The following ZNF675 variants were observed in gnomAD, a reference collection of about 807,000 sequenced individuals.
ZNF675 encodes TRAF6 inhibitory zinc finger.
Under a neutral mutation model 56.1 loss-of-function variants are expected in ZNF675, and 36 were observed. That is an observed-to-expected ratio of 0.64 (90% CI 0.49 to 0.85). The LOEUF is 0.85. ZNF675 is among the 40% of genes least tolerant of loss of function. ZNF675 has a pLI of 0.00. For missense variants in ZNF675, 663 were observed against 654.2 expected, an observed-to-expected ratio of 1.01 and a Z score of -0.15; for synonymous variants, 200 against 218.9, an observed-to-expected ratio of 0.91 and a Z score of 0.76.
chr19:23,673,016 G>A (rs1968246145), intron 1 of ZNF675, among the ~76,000 whole-genome samples: 1 of 152,154 alleles, frequency 6.6e-6, no homozygotes, highest in African/African-American at 2.4e-5. Flanking sequence ...CACAGCTACT[G>A]GTGGCAATAG....
intron 1 of ZNF675, among the ~76,000 whole-genome samples, chr19:23,669,321 A>G (rs1179460773): frequency 6.6e-6 from 1 of 150,826 alleles, no homozygotes; most frequent in Non-Finnish European, 1.5e-5. Flanking sequence ...AGGGTGAATC[A>G]CATGTTTCAG....
intron 1 of ZNF675, among the ~76,000 whole-genome samples, chr19:23,670,520 A>C (rs1227823682): frequency 1.3e-5 from 2 of 152,126 alleles, no homozygotes; most frequent in Non-Finnish European, 2.9e-5. Flanking sequence ...CAGGGTGAGT[A>C]GCGACCATCC....
intron 3 of ZNF675, among the ~76,000 whole-genome samples, chr19:23,658,856 TATAGAA>T (rs374938087): frequency 1.0e-4 from 4 of 39,322 alleles, no homozygotes; most frequent in African/African-American, 2.1e-4. Context: ...TCTATATAGA[TATAGAA>T]ATAGATCTAT....
intron 1 of ZNF675, among the ~76,000 whole-genome samples, chr19:23,665,743 C>T (rs1048217039): frequency 3.9e-5 from 6 of 152,118 alleles, no homozygotes; most frequent in African/African-American, 1.4e-4. Flanking sequence ...TAGTGATTCG[C>T]CCAACTTGGC....
At chr19:23,685,436 G>A (rs968627782) in intron 1 of ZNF675, among the ~76,000 whole-genome samples, 2 of 152,108 alleles carry the variant, frequency 1.3e-5, no homozygotes, top group Admixed American at 6.6e-5. Context: ...TAGATATATT[G>A]GTTTATTCAC....
At chr19:23,662,089 T>G in intron 3 of ZNF675, 25 bp downstream of exon 3, 1 of 1,537,550 alleles carries the variant, frequency 6.5e-7, no homozygotes, top group Non-Finnish European at 9.0e-7. Context: ...TGTCACCTGT[T>G]GTATTCACTT....
intron 1 of ZNF675, among the ~76,000 whole-genome samples, chr19:23,665,127 T>G (rs1198435253): frequency 1.3e-5 from 2 of 151,816 alleles, no homozygotes; most frequent in East Asian, 3.9e-4. Context: ...GGGGGATCAC[T>G]TGAGGTCAGG....
chr19:23,673,591 T>A lies in ZNF675; in HGVS notation c.4-10433A>T, dbSNP rs997525788. 1.4e-4 allele frequency among the ~76,000 whole-genome samples: 21 copies of A among 152,198 alleles called. 1 individual carries two copies. The highest frequency in any genetic ancestry group is 4.8e-4 in the African/African-American group (20 of 41,452). On this transcript the variant is annotated intron_variant, in intron 1 of 3. Transcript: ENST00000359788. ...GAGGGTAAGCCCACTCTAGAGTAGA[T>A]CCTGGTTGGCACCTTATATGTTTCT...
intron 1 of ZNF675, among the ~76,000 whole-genome samples, chr19:23,669,451 C>T (rs1197388788): frequency 6.8e-6 from 1 of 147,244 alleles, no homozygotes; most frequent in African/African-American, 2.5e-5. Context: ...AGGGTCCAAG[C>T]ATGTTGCAGG....
chr19:23,679,048 T>C (rs1968339947), intron 1 of ZNF675, among the ~76,000 whole-genome samples: 1 of 149,922 alleles, frequency 6.7e-6, no homozygotes, highest in South Asian at 2.1e-4. Flanking sequence ...GCACCTGTAG[T>C]CCCAGCTACT....
chr19:23,653,287 G>C lies in ZNF675; in HGVS notation c.1646C>G (p.Ala549Gly). 6.2e-7 allele frequency: 1 copy of C among 1,613,398 alleles called. No homozygotes were observed. The highest frequency in any genetic ancestry group is 8.5e-7 in the Non-Finnish European group (1 of 1,179,724). ...ERCDKAFNQSANLTKHKKIHT... is the reference protein window; with the variant it reads ...ERCDKAFNQSGNLTKHKKIHT... Reference sequence around the variant, plus strand: ...TATTTTTTTATGTTTAGTAAGGTTTGCAGATTGGTTAAAAGCTTTGTCACA... The same window carrying C: ...TATTTTTTTATGTTTAGTAAGGTTTCCAGATTGGTTAAAAGCTTTGTCACA... The change falls in exon 4 of 4, where the codon GCA (alanine) becomes GGA (glycine). Residue 549 changes from alanine to glycine, a missense_variant. By Grantham distance (60) the Ala-to-Gly change is moderately conservative. This residue lies in a region of ZNF675 where 617 missense variants were observed against 590.5 expected (regional missense o/e 1.04). Coordinates refer to ENST00000359788, the MANE Select transcript of ZNF675 (RefSeq NM_138330.3).
chr19:23,665,488 T>C (rs565443570), intron 1 of ZNF675, among the ~76,000 whole-genome samples: 3 of 152,040 alleles, frequency 2.0e-5, no homozygotes, highest in Non-Finnish European at 4.4e-5. Flanking sequence ...GTGGTTTTTT[T>C]GTTCTTTGGG....
intron 1 of ZNF675, among the ~76,000 whole-genome samples, chr19:23,683,279 T>G (rs1336339431): frequency 6.6e-6 from 1 of 151,704 alleles, no homozygotes; most frequent in Non-Finnish European, 1.5e-5. Flanking sequence ...CACTTAGCAT[T>G]AAATTCAGAA....
chr19:23,662,039 A>T (rs1215944049), intron 3 of ZNF675, 75 bp downstream of exon 3: 9 of 1,091,342 alleles, frequency 8.2e-6, no homozygotes, highest in Admixed American at 1.9e-5. Context: ...ATCACATTTT[A>T]AGGACTGGCT....
rs55633960 is a variant in ZNF675, at chr19:23,672,233, TAA to T, written c.4-9077_4-9076del. On this transcript the variant is annotated intron_variant, in intron 1 of 3. Coordinates refer to ENST00000359788, the MANE Select transcript of ZNF675 (RefSeq NM_138330.3). ...ACTCCAGTTAGTTAGCTCTTGGGTT[TAA>T]AAAAAAAAAAAAAAAAGGACAAGAA... Among the ~76,000 whole-genome samples the T allele has an allele frequency of 2.4e-3, 341 of 141,218 alleles. 35 individuals are homozygous for T. The highest frequency in any genetic ancestry group is 4.9e-3 in the African/African-American group (182 of 37,486). The allele number at this position is 141,218 out of a possible 152,430, so 92.6% of individuals were successfully genotyped here. A position where few individuals can be genotyped will look rare whatever the true frequency, so the allele number is the denominator to read the frequency against.
rs1335684771 is a variant in ZNF675, at chr19:23,674,872, T to C, written c.4-11714A>G. 2.0e-5 allele frequency among the ~76,000 whole-genome samples: 3 copies of C among 150,872 alleles called. No individual in the cohort carries two copies. In the East Asian group the frequency reaches 5.8e-4, roughly 29 times the overall value. ...CTGTAATCCCAGCTACTTGGGAGGC[T>C]GAGGCACGAGAATCACTTGAACCCG... On this transcript the variant is annotated intron_variant, in intron 1 of 3. Coordinates refer to ENST00000359788, the MANE Select transcript of ZNF675 (RefSeq NM_138330.3).
At position 23,653,851 on chromosome 19, in the gene ZNF675, A is replaced by G. The variant is rs2144915376; in HGVS notation, c.1082T>C (p.Ile361Thr). The change falls in exon 4 of 4, where the codon ATT (isoleucine) becomes ACT (threonine). Residue 361 changes from isoleucine to threonine, a missense_variant. Around this residue, in one of 3 missense-constraint regions of ZNF675, gnomAD observed 617 missense variants for 590.5 expected, o/e 1.04. Transcript: ENST00000359788. ...TTTGTAGGGTTGCTCTCCAGTATGA[A>G]TGTTTTTATGTTCAGTAAGTTTTGA... ...RSSKLTEHKN[I>T]HTGEQPYKCE... 2 of 1,613,654 alleles carry G rather than the reference A, an allele frequency of 1.2e-6. No homozygotes were observed. Among genetic ancestry groups the G allele is most frequent in the East Asian group, 4.5e-5 (2 of 44,838 alleles).
rs528929798 is a variant in ZNF675, at chr19:23,668,471, G to A, written c.4-5313C>T. 3.1e-4 allele frequency among the ~76,000 whole-genome samples: 40 copies of A among 127,000 alleles called. 1 individual carries two copies. The South Asian group carries it at 0.011, about 33-fold the overall frequency. 83.3% of individuals were successfully genotyped at this position (127,000 alleles called of 152,430 possible). A position where few individuals can be genotyped will look rare whatever the true frequency, so the allele number is the denominator to read the frequency against. On this transcript the variant is annotated intron_variant, in intron 1 of 3. Coordinates refer to ENST00000359788, the MANE Select transcript of ZNF675 (RefSeq NM_138330.3). Reference sequence around the variant, plus strand: ...AGGAGCCCAGCTGGCTTCACCCAGTGGATCCCGCACCGGGGCTGCAGGTGG... The same window carrying A: ...AGGAGCCCAGCTGGCTTCACCCAGTAGATCCCGCACCGGGGCTGCAGGTGG...
intron 1 of ZNF675, among the ~76,000 whole-genome samples, chr19:23,668,553 T>C (rs1968186035): frequency 1.3e-5 from 2 of 152,274 alleles, no homozygotes; most frequent in South Asian, 4.1e-4. Context: ...GGGCGGTCGA[T>C]GGGACTGGGC....
Sources: gnomAD v4.1 joint callset for allele counts (sites outside exome capture counted in the v4.1 genomes callset) on GRCh38, gnomAD v4.1.1 for gene constraint, gnomAD v4.1.1 regional missense constraint, MANE v1.5 for transcripts, NCBI Gene and HGNC (gene_info 2026-07-23, HGNC 2026-07-21) for gene names.